Variants in FIBCD1 observed in about 807,000 individuals in gnomAD.
FIBCD1 encodes the protein fibrinogen C domain-containing protein 1.
Under a neutral mutation model 45.1 loss-of-function variants are expected in FIBCD1, and 47 were observed. The ratio of observed to expected loss-of-function variants is 1.04; its 90% confidence interval spans 0.82 to 1.33. FIBCD1 has a LOEUF of 1.33. Among genes scored for constraint, FIBCD1 ranks in the 40% most tolerant of loss-of-function variants. FIBCD1 has a pLI of 0.00. For missense variants in FIBCD1, 653 were observed against 682.2 expected, an observed-to-expected ratio of 0.96 and a Z score of 0.48; for synonymous variants, 313 against 308.1, an observed-to-expected ratio of 1.02 and a Z score of -0.17.
chr9:130,928,420 C>T (rs1471627448), intron 2 of FIBCD1, among the ~76,000 whole-genome samples: 1 of 152,134 alleles, frequency 6.6e-6, no homozygotes, highest in African/African-American at 2.4e-5. Flanking sequence ...GGAGGTACCC[C>T]CAGCCCCCAG....
intron 1 of FIBCD1, among the ~76,000 whole-genome samples, chr9:130,933,238 C>T (rs977032741): frequency 6.6e-6 from 1 of 152,224 alleles, no homozygotes; most frequent in Non-Finnish European, 1.5e-5. Context: ...CTGCCGTTTA[C>T]GTGCCTTGCG....
At chr9:130,935,431 C>T (rs1431146901) in intron 1 of FIBCD1, among the ~76,000 whole-genome samples, 2 of 152,236 alleles carry the variant, frequency 1.3e-5, no homozygotes, top group Non-Finnish European at 2.9e-5. Flanking sequence ...GCGTGAGAGG[C>T]TCCTCCTTCT....
chr9:130,930,477 G>T (rs1832433712), intron 1 of FIBCD1, among the ~76,000 whole-genome samples: 1 of 152,086 alleles, frequency 6.6e-6, no homozygotes. Context: ...GGGAGATGCA[G>T]GGAGATGGAG....
chr9:130,911,923 C>T lies in FIBCD1; in HGVS notation c.850-35G>A, dbSNP rs376857307. ...GAAGATGGGGATGGGGCGTTGGCAC[C>T]GACCATCCCAGGACTCGCAGCCCAC... On this transcript the variant is annotated intron_variant, in intron 4 of 6. Coordinates refer to ENST00000372338, the MANE Select transcript of FIBCD1 (RefSeq NM_032843.5). The T allele has an allele frequency of 6.5e-5, 100 of 1,538,910 alleles. No homozygotes were observed. The East Asian group carries it at 7.3e-4, about 11-fold the overall frequency.
intron 4 of FIBCD1, among the ~76,000 whole-genome samples, chr9:130,912,878 C>T (rs549213314): frequency 2.0e-5 from 3 of 152,188 alleles, no homozygotes; most frequent in Admixed American, 2.0e-4. Context: ...TTTTTAAGAA[C>T]CAAGAGCACC....
In FIBCD1 at chr9:130,905,298, C is replaced by A; in HGVS notation, c.1062G>T (p.Leu354Phe). ...CGTCTTCCTCAGGGTCCACGGAGAA[C>A]AAGCCCACGCCGAAGCTCCCGTAGC... ...YARYGSFGVG[L>F]FSVDPEEDGY... is the part of the protein sequence containing the mutation. The change falls in exon 6 of 7, where the codon TTG becomes TTT. Residue 354 changes from leucine to phenylalanine, a missense_variant. Transcript: ENST00000372338. 6.2e-7 allele frequency: 1 copy of A among 1,614,014 alleles called. No individual in the cohort carries two copies. Among genetic ancestry groups the A allele is most frequent in the Non-Finnish European group, 8.5e-7 (1 of 1,180,028 alleles).
chr9:130,924,176 TC>T (rs1312952754), intron 3 of FIBCD1, 60 bp downstream of exon 3: 3 of 1,483,274 alleles, frequency 2.0e-6, no homozygotes, highest in African/African-American at 1.4e-5. Context: ...CACCCCAACT[TC>T]CCCGCTCCCC....
intron 4 of FIBCD1, among the ~76,000 whole-genome samples, chr9:130,920,921 G>A (rs1017900323): frequency 3.9e-5 from 6 of 152,258 alleles, no homozygotes; most frequent in Non-Finnish European, 1.5e-5. Context: ...GCTTGCTTTA[G>A]GCATTCAAGG....
At chr9:130,911,966 A>T (rs746977133) in intron 4 of FIBCD1, 78 bp from the exon 5 acceptor site, 268 of 1,339,314 alleles carry the variant, frequency 2.0e-4, no homozygotes, top group Non-Finnish European at 2.6e-4. Flanking sequence ...CACCCCGCCC[A>T]GAGACTCCCC....
intron 4 of FIBCD1, among the ~76,000 whole-genome samples, chr9:130,923,255 G>A (rs569406737): frequency 2.0e-5 from 3 of 152,306 alleles, no homozygotes; most frequent in Admixed American, 6.5e-5. Context: ...CAGGAACCAG[G>A]AGGTGCAGGA....
At chr9:130,914,182 C>A (rs556398083) in intron 4 of FIBCD1, among the ~76,000 whole-genome samples, 41 of 152,150 alleles carry the variant, frequency 2.7e-4, no homozygotes, top group Non-Finnish European at 5.7e-4. Flanking sequence ...AGGGCTCCTG[C>A]CTCCTCTGCT....
intron 5 of FIBCD1, among the ~76,000 whole-genome samples, chr9:130,911,078 C>A (rs534135100): frequency 2.6e-5 from 4 of 152,222 alleles, no homozygotes; most frequent in African/African-American, 9.7e-5. Context: ...GCCTCGGCAA[C>A]CCGCTCAGGT....
intron 2 of FIBCD1, 125 bp downstream of exon 2, chr9:130,929,442 G>A: frequency 7.8e-7 from 1 of 1,275,032 alleles, no homozygotes; most frequent in Non-Finnish European, 1.0e-6. Flanking sequence ...GGGAACAGCA[G>A]TAGCCCCTTG....
chr9:130,938,541 G>C lies in FIBCD1; in HGVS notation c.67C>G (p.Pro23Ala). Residue 23 changes from proline to alanine, a missense_variant, in exon 1 of 7, where the codon CCG becomes GCG. Pro to Ala is a conservative substitution (Grantham distance 27). Transcript: ENST00000372338. ...AQLEDRPRDK[P>A]QRPSCGYVLC... ...GTCCCAGCGCCCGAGCGTACCTGCG[G>C]CTTGTCGCGCGGCCGGTCCTCAAGT... 6.7e-7 allele frequency: 1 copy of C among 1,490,098 alleles called. No homozygotes were observed. The highest frequency in any genetic ancestry group is 8.9e-7 in the Non-Finnish European group (1 of 1,125,688). 92.3% of individuals were successfully genotyped at this position (1,490,098 alleles called of 1,614,324 possible). A position where few individuals can be genotyped will look rare whatever the true frequency, so the allele number is the denominator to read the frequency against.
intron 4 of FIBCD1, 108 bp from the exon 5 acceptor site, chr9:130,911,996 C>T (rs1254898578): frequency 1.4e-5 from 14 of 1,029,432 alleles, no homozygotes; most frequent in Non-Finnish European, 1.9e-5. Flanking sequence ...TCCCAACCTG[C>T]CCTCTCGGGA....
chr9:130,918,006 G>A (rs1410281088), intron 4 of FIBCD1, among the ~76,000 whole-genome samples: 1 of 152,160 alleles, frequency 6.6e-6, no homozygotes, highest in African/African-American at 2.4e-5. Flanking sequence ...GTGTGCTCGG[G>A]GCTCACAGGG....
chr9:130,924,542 G>A (rs1588110904), intron 2 of FIBCD1, 146 bp from the exon 3 acceptor site: 2 of 779,786 alleles, frequency 2.6e-6, no homozygotes, highest in East Asian at 2.8e-5. Flanking sequence ...CTGCCCCTTG[G>A]GTCCCTGTCC....
Position 130,903,842 on chromosome 9 carries a change from C to T in FIBCD1, c.*222G>A. On this transcript the variant is annotated 3_prime_UTR_variant, in exon 7 of 7. Coordinates refer to ENST00000372338, the MANE Select transcript of FIBCD1 (RefSeq NM_032843.5). Reference sequence around the variant, plus strand: ...GTTTGCCAGCCCCCATCAGCAGAGGCAAGAGATCAGTGAGCTGCCAAATGG... The same window carrying T: ...GTTTGCCAGCCCCCATCAGCAGAGGTAAGAGATCAGTGAGCTGCCAAATGG... 1 of 647,368 alleles carries T rather than the reference C, an allele frequency of 1.5e-6. No homozygotes were observed. The highest frequency in any genetic ancestry group is 2.8e-6 in the Non-Finnish European group (1 of 355,726). The allele number at this position is 647,368 out of a possible 1,614,324, so 40.1% of individuals were successfully genotyped here. A position where few individuals can be genotyped will look rare whatever the true frequency, so the allele number is the denominator to read the frequency against.
At chr9:130,936,827 G>A (rs986512185) in intron 1 of FIBCD1, among the ~76,000 whole-genome samples, 1 of 152,234 alleles carries the variant, frequency 6.6e-6, no homozygotes, top group Non-Finnish European at 1.5e-5. Flanking sequence ...TGCAGGAGGG[G>A]CCCAGGACAA....
Sources: allele counts gnomAD v4.1 joint callset (sites outside exome capture counted in the v4.1 genomes callset), GRCh38; gene constraint gnomAD v4.1.1; transcripts MANE v1.5; gene names NCBI Gene and HGNC (gene_info 2026-07-23, HGNC 2026-07-21).